Variants in RBM26 observed in about 807,000 individuals in gnomAD.
RBM26 encodes the protein RNA-binding protein 26.
In RBM26, 30 loss-of-function variants were observed where a neutral mutation model predicts 123.6. That is an observed-to-expected ratio of 0.24 (90% CI 0.18 to 0.33). The LOEUF is 0.33. Ranked by LOEUF, RBM26 falls within the 10% of genes least tolerant of loss-of-function variation. RBM26 has a pLI of 1.00. For synonymous variants in RBM26, 400 were observed against 404.4 expected (o/e 0.99, Z 0.13); for missense variants, 947 against 1,203.6 (o/e 0.79, Z 3.15).
intron 14 of RBM26, among the ~76,000 whole-genome samples, chr13:79,349,090 T>C (rs1019571851): frequency 1.3e-5 from 2 of 152,228 alleles, no homozygotes; most frequent in Non-Finnish European, 2.9e-5. Flanking sequence ...TCACCGTAAG[T>C]TGATGACTGT....
chr13:79,392,975 T>G (rs1352614759), intron 1 of RBM26, among the ~76,000 whole-genome samples: 1 of 152,210 alleles, frequency 6.6e-6, no homozygotes, highest in Non-Finnish European at 1.5e-5. Context: ...AGCAGTCATA[T>G]ACACATGCTG....
At chr13:79,352,539 C>T (rs1200831368) in intron 14 of RBM26, among the ~76,000 whole-genome samples, 1 of 150,772 alleles carries the variant, frequency 6.6e-6, no homozygotes, top group African/African-American at 2.5e-5. Context: ...TAAATATTTA[C>T]CCCCCTTCAT....
chr13:79,340,886 G>A (rs1174746722), intron 18 of RBM26, among the ~76,000 whole-genome samples: 1 of 151,838 alleles, frequency 6.6e-6, no homozygotes, highest in Non-Finnish European at 1.5e-5. Context: ...TAGAAATGGA[G>A]GAACTTGGGG....
chr13:79,316,496 A>G (rs2067166679), downstream of RBM26, among the ~76,000 whole-genome samples: 1 of 151,780 alleles, frequency 6.6e-6, no homozygotes, highest in Non-Finnish European at 1.5e-5. Context: ...TCTTTCAATT[A>G]AACTTAGCCA....
intron 1 of RBM26, among the ~76,000 whole-genome samples, chr13:79,382,520 T>G (rs575181168): frequency 1.3e-5 from 2 of 152,272 alleles, no homozygotes; most frequent in South Asian, 4.1e-4. Flanking sequence ...GATCACCAAG[T>G]GCTCCAACTG....
downstream of RBM26, chr13:79,314,002 GCCT>G (rs1313112468): frequency 1.3e-5 from 2 of 151,500 alleles, no homozygotes; most frequent in Middle Eastern, 3.2e-3. Context: ...CTTTTTAAAT[GCCT>G]CCTGAGAATC....
At chr13:79,351,418 C>A (rs2073191778) in intron 14 of RBM26, among the ~76,000 whole-genome samples, 1 of 151,976 alleles carries the variant, frequency 6.6e-6, no homozygotes, top group African/African-American at 2.4e-5. Context: ...TTCTGAAATA[C>A]TTATTTTCAA....
Position 79,349,969 on chromosome 13 carries a change from T to C in RBM26, c.2058+3184A>G, listed in dbSNP as rs533826354. ...CCTCGGCCTCCCAAAGTGCTGGGAT[T>C]ACAAGCGTGAGCCATGCGCCCAGCC... On this transcript the variant is annotated intron_variant, in intron 14 of 21. Coordinates refer to ENST00000438737, the MANE Select transcript of RBM26 (RefSeq NM_001366735.2). 2.0e-4 allele frequency among the ~76,000 whole-genome samples: 30 copies of C among 152,302 alleles called. 1 individual carries two copies. In the South Asian group the frequency reaches 5.8e-3, roughly 29 times the overall value.
chr13:79,339,239 G>A (rs753950461), intron 18 of RBM26, among the ~76,000 whole-genome samples: 5 of 152,174 alleles, frequency 3.3e-5, no homozygotes, highest in Non-Finnish European at 7.4e-5. Flanking sequence ...ACAGCAGAAT[G>A]GTGGTTACCA....
At chr13:79,335,297 C>A (rs1195025645) in intron 19 of RBM26, among the ~76,000 whole-genome samples, 1 of 152,058 alleles carries the variant, frequency 6.6e-6, no homozygotes, top group African/African-American at 2.4e-5. Context: ...CATCATGCAT[C>A]ATTTTCTTCA....
chr13:79,345,116 T>C (rs981718869), intron 14 of RBM26, among the ~76,000 whole-genome samples: 2 of 152,198 alleles, frequency 1.3e-5, no homozygotes, highest in Non-Finnish European at 2.9e-5. Flanking sequence ...CATTTACTAA[T>C]ATTTGTAGTG....
intron 20 of RBM26, among the ~76,000 whole-genome samples, chr13:79,332,271 T>C (rs914190439): frequency 1.3e-5 from 2 of 152,214 alleles, no homozygotes; most frequent in Non-Finnish European, 2.9e-5. Flanking sequence ...ATTTCCTTTA[T>C]TTTATATAAC....
Position 79,368,803 on chromosome 13 carries a change from A to C in RBM26, c.822T>G (p.Phe274Leu). ...GNNTTESWSE[F>L]HEDQVDHNSY... Reference sequence around the variant, plus strand: ...AGTTATGGTCCACTTGGTCTTCATGAAATTCAGACCAACTTTCGGTAGTGT... The same window carrying C: ...AGTTATGGTCCACTTGGTCTTCATGCAATTCAGACCAACTTTCGGTAGTGT... The change falls in exon 6 of 22, where the codon TTT becomes TTG. Residue 274 changes from phenylalanine (F) to leucine (L), a missense_variant. Phe to Leu is a conservative substitution (Grantham distance 22). Around this residue, in one of 5 missense-constraint regions of RBM26, gnomAD observed 275 missense variants for 361.0 expected, o/e 0.76. Coordinates refer to ENST00000438737, the MANE Select transcript of RBM26 (RefSeq NM_001366735.2). The C allele has an allele frequency of 1.2e-6, 2 of 1,613,430 alleles. No individual in the cohort carries two copies. Among genetic ancestry groups the C allele is most frequent in the Non-Finnish European group, 1.7e-6 (2 of 1,179,372 alleles).
intron 1 of RBM26, among the ~76,000 whole-genome samples, chr13:79,383,859 C>T (rs2077264678): frequency 6.6e-6 from 1 of 152,160 alleles, no homozygotes; most frequent in South Asian, 2.1e-4. Context: ...CAAGGAAGGA[C>T]TCTGTTGAAG....
chr13:79,390,105 G>A (rs2077822596), intron 1 of RBM26, among the ~76,000 whole-genome samples: 1 of 152,038 alleles, frequency 6.6e-6, no homozygotes, highest in African/African-American at 2.4e-5. Flanking sequence ...GGAATAAGAA[G>A]ACTGATTTTT....
downstream of RBM26, among the ~76,000 whole-genome samples, chr13:79,315,907 C>T (rs1314183577): frequency 1.3e-5 from 2 of 151,682 alleles, no homozygotes; most frequent in Non-Finnish European, 3.0e-5. Context: ...TTAAAAACTG[C>T]TCTTCCCTAA....
intron 1 of RBM26, among the ~76,000 whole-genome samples, chr13:79,388,624 A>C (rs2077681709): frequency 6.6e-6 from 1 of 152,174 alleles, no homozygotes; most frequent in Non-Finnish European, 1.5e-5. Context: ...CTGTTCCTCC[A>C]ATTTGGCTGT....
At chr13:79,341,401 T>G (rs1166567966) in intron 17 of RBM26, among the ~76,000 whole-genome samples, 174 bp from the exon 18 acceptor site, 2 of 151,878 alleles carry the variant, frequency 1.3e-5, no homozygotes, top group African/African-American at 4.8e-5. Context: ...TGCAACAGCT[T>G]CCTAACTTGT....
intron 2 of RBM26, among the ~76,000 whole-genome samples, chr13:79,378,068 G>A (rs2140224878): frequency 6.6e-6 from 1 of 152,332 alleles, no homozygotes; most frequent in East Asian, 1.9e-4. Flanking sequence ...AGCCCTCTGG[G>A]CTAGTCACCT....
Sources: gnomAD v4.1 joint callset for allele counts (sites outside exome capture counted in the v4.1 genomes callset) on GRCh38, gnomAD v4.1.1 for gene constraint, gnomAD v4.1.1 regional missense constraint, MANE v1.5 for transcripts, NCBI Gene and HGNC (gene_info 2026-07-23, HGNC 2026-07-21) for gene names.